Variants in CAPS2 observed in about 807,000 individuals in gnomAD.
The protein encoded by CAPS2 is calcyphosin-2.
In CAPS2, 98 loss-of-function variants were observed where a neutral mutation model predicts 86.5. That is an observed-to-expected ratio of 1.13 (90% CI 0.96 to 1.34). The LOEUF is 1.34. Ranked by LOEUF, CAPS2 falls within the 40% of genes most tolerant of loss-of-function variation. The pLI, the probability that CAPS2 is intolerant of heterozygous loss-of-function variation, is 0.00. For missense variants in CAPS2, 729 were observed against 686.8 expected, an observed-to-expected ratio of 1.06 and a Z score of -0.69; for synonymous variants, 210 against 225.1, an observed-to-expected ratio of 0.93 and a Z score of 0.60.
intron 2 of CAPS2, 129 bp downstream of exon 3, chr12:75,325,110 T>C (rs1040379932): frequency 5.7e-6 from 4 of 704,360 alleles, no homozygotes; most frequent in South Asian, 3.2e-5. Context: ...AGGCTATCCA[T>C]ATGCATATAG....
At chr12:75,313,092 A>C (rs2039401170) in intron 6 of CAPS2, among the ~76,000 whole-genome samples, 177 bp from the exon 7 acceptor site, 1 of 152,240 alleles carries the variant, frequency 6.6e-6, no homozygotes, top group African/African-American at 2.4e-5. Context: ...TTTAAATTTC[A>C]ATCATTTAAT....
intron 1 of CAPS2, among the ~76,000 whole-genome samples, chr12:75,339,764 A>C (rs1410384260): frequency 6.6e-6 from 1 of 151,922 alleles, no homozygotes; most frequent in Admixed American, 6.6e-5. Context: ...TAATTTTTGG[A>C]TAAGGTGTAA....
exon 17 of CAPS2, chr12:75,278,803 A>C: frequency 1.4e-5 from 19 of 1,357,148 alleles, no homozygotes; most frequent in Non-Finnish European, 1.7e-5. Context: ...TCCTAGGAAA[A>C]TATATTCCAG....
chr12:75,359,444 T>C (rs1593800738), intron 1 of CAPS2, among the ~76,000 whole-genome samples: 1 of 149,560 alleles, frequency 6.7e-6, no homozygotes, highest in Non-Finnish European at 1.5e-5. Flanking sequence ...CAGGATTTTA[T>C]TGTATAAATT....
intron 1 of CAPS2, among the ~76,000 whole-genome samples, chr12:75,345,966 C>G (rs1006331453): frequency 1.3e-5 from 2 of 152,178 alleles, no homozygotes; most frequent in African/African-American, 4.8e-5. Flanking sequence ...ATAAAATCAA[C>G]AACTATATCT....
Position 75,285,093 on chromosome 12 carries a change from A to G in CAPS2, c.1396-13T>C. 1 of 1,594,084 alleles carries G rather than the reference A, an allele frequency of 6.3e-7. No individual in the cohort carries two copies. The highest frequency in any genetic ancestry group is 8.5e-7 in the Non-Finnish European group (1 of 1,174,464). ...CAGACTCAAAATCCTAGAAACAATC[A>G]GAGATAACTGTTGCATTTTTAAGTT... On this transcript the variant is annotated splice_polypyrimidine_tract_variant and intron_variant, in intron 14 of 16. Transcript: ENST00000393284.
At chr12:75,313,428 TATA>T (rs1190050631) in intron 6 of CAPS2, among the ~76,000 whole-genome samples, 34 of 152,242 alleles carry the variant, frequency 2.2e-4, no homozygotes, top group African/African-American at 3.1e-4. Context: ...TCATCAAAAG[TATA>T]ATATTTTCTC....
chr12:75,330,729 A>C (rs908639144), upstream of CAPS2, among the ~76,000 whole-genome samples: 1 of 152,020 alleles, frequency 6.6e-6, no homozygotes, highest in Non-Finnish European at 1.5e-5. Flanking sequence ...TAAAATTTAA[A>C]ATGATGTGTG....
intron 4 of CAPS2, chr12:75,322,937 T>A: frequency 8.6e-7 from 1 of 1,164,892 alleles, no homozygotes; most frequent in Non-Finnish European, 1.2e-6. Flanking sequence ...TATTTTAGAA[T>A]AAAATTCTGA....
At chr12:75,384,020 A>T (rs2045145686) in intron 1 of CAPS2, among the ~76,000 whole-genome samples, 1 of 152,188 alleles carries the variant, frequency 6.6e-6, no homozygotes, top group Non-Finnish European at 1.5e-5. Context: ...GCAGCAAAGC[A>T]TTGCTTAGAG....
exon 12 of CAPS2, chr12:75,293,310 C>T: frequency 6.2e-7 from 1 of 1,611,990 alleles, no homozygotes; most frequent in Middle Eastern, 1.7e-4. Context: ...AATGTGTTTT[C>T]TTTGATGCTT....
chr12:75,280,944 T>C (rs1276800803), intron 16 of CAPS2, among the ~76,000 whole-genome samples: 2 of 151,928 alleles, frequency 1.3e-5, no homozygotes, highest in African/African-American at 2.4e-5. Context: ...AATAGTATTC[T>C]ATAGTATTTA....
chr12:75,295,267 T>G (rs2036689370), intron 11 of CAPS2: 1 of 152,212 alleles, frequency 6.6e-6, no homozygotes, highest in Admixed American at 6.5e-5. Context: ...TACTTCAAAT[T>G]TAAAGCTTTG....
intron 7 of CAPS2, among the ~76,000 whole-genome samples, chr12:75,311,620 TGAA>T (rs2039176252): frequency 7.3e-6 from 1 of 137,148 alleles, no homozygotes; most frequent in Non-Finnish European, 1.5e-5. Flanking sequence ...GTAGGGAAGA[TGAA>T]GAAGAACCAG....
intron 1 of CAPS2, chr12:75,369,661 G>T: frequency 1.0e-6 from 1 of 984,470 alleles, no homozygotes; most frequent in South Asian, 4.7e-5. Flanking sequence ...GACGTGAATT[G>T]GGAATGAAAG....
Position 75,312,768 on chromosome 12 carries a change from A to C in CAPS2, c.659+80T>G, listed in dbSNP as rs2039363014. The C allele has an allele frequency of 3.6e-6, 3 of 844,146 alleles. No individual in the cohort carries two copies. In the South Asian group the frequency reaches 4.3e-5, roughly 12 times the overall value. The allele number at this position is 844,146 out of a possible 1,614,324, so 52.3% of individuals were successfully genotyped here. ...GAGTTAGCCACCCTTTAATTGACCA[A>C]GGATATGAATGTCATGCATGAAAAT... On this transcript the variant is annotated intron_variant, in intron 7 of 16. Coordinates refer to ENST00000393284, the Ensembl canonical transcript of CAPS2.
intron 5 of CAPS2, among the ~76,000 whole-genome samples, chr12:75,319,481 C>A (rs2040099481): frequency 6.6e-6 from 1 of 151,050 alleles, no homozygotes; most frequent in South Asian, 2.1e-4. Flanking sequence ...TAAGTAAAAG[C>A]AACCTGAAGC....
intron 6 of CAPS2, among the ~76,000 whole-genome samples, chr12:75,315,645 A>G (rs2039682501): frequency 1.3e-5 from 2 of 152,176 alleles, no homozygotes; most frequent in Admixed American, 1.3e-4. Context: ...TATTTATGCT[A>G]TTGAAACCAG....
chr12:75,311,354 A>G (rs1410853603), intron 7 of CAPS2, among the ~76,000 whole-genome samples: 1 of 152,194 alleles, frequency 6.6e-6, no homozygotes, highest in Non-Finnish European at 1.5e-5. Flanking sequence ...TGAGAGAAAG[A>G]AAGGGATCAA....
Sources: gnomAD v4.1 joint callset for allele counts (sites outside exome capture counted in the v4.1 genomes callset) on GRCh38, gnomAD v4.1.1 for gene constraint, MANE v1.5 for transcripts, NCBI Gene and HGNC (gene_info 2026-07-23, HGNC 2026-07-21) for gene names.